The following TMEM255B variants were observed in gnomAD, a reference collection of about 807,000 sequenced individuals.
The protein encoded by TMEM255B is family with sequence similarity 70, member B.
TMEM255B carries 35 observed loss-of-function variants against 34.5 expected under a neutral mutation model. That is an observed-to-expected ratio of 1.01 (90% CI 0.77 to 1.34). TMEM255B has a LOEUF of 1.34. TMEM255B is among the 40% of genes most tolerant of loss of function. TMEM255B has a pLI of 0.00. For synonymous variants in TMEM255B, 206 were observed against 201.2 expected, an observed-to-expected ratio of 1.02 and a Z score of -0.20; for missense variants, 432 against 433.2, an observed-to-expected ratio of 1.00 and a Z score of 0.02.
chr13:113,816,201 G>C lies in TMEM255B; in HGVS notation c.*4298G>C, dbSNP rs2051400604. 6.6e-6 allele frequency: 1 copy of C among 152,120 alleles called. No homozygotes were observed. Among genetic ancestry groups the C allele is most frequent in the African/African-American group, 2.7e-5 (1 of 36,856 alleles). 9.4% of individuals were successfully genotyped at this position (152,120 alleles called of 1,614,324 possible). On this transcript the variant is annotated 3_prime_UTR_variant, in exon 9 of 9. Coordinates refer to ENST00000375353, the MANE Select transcript of TMEM255B (RefSeq NM_182614.4). ...GGGGAGGCAAGCGTGTTTGCAGCGT[G>C]TTCTGGATGGGGAGAGGTGCAGTCA...
In TMEM255B at chr13:113,765,981, A is replaced by G. The variant is rs2050381112; in HGVS notation, c.47-134A>G. ...AATGGAGGTTGGGGGTGGTCCCCTGAGGTGGGCCTGGAGGCAGGCGGGGAT... is the reference window on the plus strand; with the variant it reads ...AATGGAGGTTGGGGGTGGTCCCCTGGGGTGGGCCTGGAGGCAGGCGGGGAT... On this transcript the variant is annotated intron_variant, in intron 1 of 8. Transcript: ENST00000375353. 27 of 1,137,822 alleles carry G rather than the reference A, an allele frequency of 2.4e-5. 1 individual carries two copies. The South Asian group carries it at 4.0e-4, about 17-fold the overall frequency. The allele number at this position is 1,137,822 out of a possible 1,614,324, so 70.5% of individuals were successfully genotyped here.
Position 113,805,022 on chromosome 13 carries a change from C to T in TMEM255B, c.807C>T (p.Pro269=), listed in dbSNP as rs1341220268. The T allele has an allele frequency of 8.1e-6, 13 of 1,599,968 alleles. No homozygotes were observed. Among genetic ancestry groups the T allele is most frequent in the Non-Finnish European group, 1.0e-5 (12 of 1,176,228 alleles). Residue 269 remains proline (P), a synonymous_variant, in exon 8 of 9, where the codon CCC becomes CCT. Transcript: ENST00000375353. ...PVPTCSSYPL[P]LQPCSRFPVA... ...CGACCTGCTCGTCCTACCCTCTGCC[C>T]CTTCAGGTAGGGCCAGCATCACCTG...
intron 3 of TMEM255B, among the ~76,000 whole-genome samples, 159 bp from the exon 4 acceptor site, chr13:113,794,989 G>A (rs1437993619): frequency 2.0e-5 from 3 of 152,238 alleles, no homozygotes; most frequent in African/African-American, 7.2e-5. Flanking sequence ...GGTGGAGTCC[G>A]GCCTGGCCAG....
In TMEM255B at chr13:113,803,260, C is replaced by G. The variant is rs1439500398; in HGVS notation, c.669+1448C>G. ...CACACCGGCTCCAGGAAGTCTTCCT[C>G]GAACCCAAAGCTCAGGGCTGCAGAG... On this transcript the variant is annotated intron_variant, in intron 7 of 8. Transcript: ENST00000375353. 3 of 148,190 alleles carry G rather than the reference C, an allele frequency of 2.0e-5. 1 individual carries two copies. Among genetic ancestry groups the G allele is most frequent in the African/African-American group, 7.4e-5 (3 of 40,558 alleles). The allele number at this position is 148,190 out of a possible 1,614,324, so 9.2% of individuals were successfully genotyped here. A position where few individuals can be genotyped will look rare whatever the true frequency, so the allele number is the denominator to read the frequency against.
intron 2 of TMEM255B, chr13:113,768,181 C>T (rs994133532): frequency 2.3e-5 from 11 of 470,178 alleles, no homozygotes; most frequent in East Asian, 1.4e-4. Flanking sequence ...ACCGGCCCGG[C>T]GCACCTGCGT....
chr13:113,816,796 G>T lies in TMEM255B; in HGVS notation c.*4893G>T, dbSNP rs568505942. The stretch of plus-strand genomic sequence containing the variant: ...TGATGGAATTCAGTAAGCAGAAAAC[G>T]TGCTTGAAACAAGGGCACCATGGAG... On this transcript the variant is annotated 3_prime_UTR_variant, in exon 9 of 9. Coordinates refer to ENST00000375353, the MANE Select transcript of TMEM255B (RefSeq NM_182614.4). 6.6e-6 allele frequency: 1 copy of T among 152,188 alleles called. No homozygotes were observed. Among genetic ancestry groups the T allele is most frequent in the South Asian group, 2.1e-4 (1 of 4,836 alleles). The allele number at this position is 152,188 out of a possible 1,614,324, so 9.4% of individuals were successfully genotyped here.
At chr13:113,765,733 G>A (rs945349620) in intron 1 of TMEM255B, among the ~76,000 whole-genome samples, 1 of 152,212 alleles carries the variant, frequency 6.6e-6, no homozygotes, top group Non-Finnish European at 1.5e-5. Context: ...GAGAGGGTGT[G>A]TCTGTGAGCG....
chr13:113,761,955 G>C (rs1305569832), intron 1 of TMEM255B, among the ~76,000 whole-genome samples: 2 of 152,128 alleles, frequency 1.3e-5, no homozygotes, highest in Non-Finnish European at 2.9e-5. Context: ...CCACACAATG[G>C]GTCTGGACAG....
chr13:113,803,906 T>TTCACCGTGTCCCCGGGTTG (rs1245576614), intron 7 of TMEM255B, among the ~76,000 whole-genome samples: 2 of 19,532 alleles, frequency 1.0e-4, no homozygotes, highest in Non-Finnish European at 2.2e-4. Context: ...TCCCGGGGTT[T>TTCACCGTGTCCCCGGGTTG]TCACCGTGTC....
Position 113,815,991 on chromosome 13 carries a change from T to C in TMEM255B, c.*4088T>C, listed in dbSNP as rs1177460453. The stretch of plus-strand genomic sequence containing the variant: ...GACAGAAGCCGACTGGGAAAGGAGG[T>C]GCAGTCACTGCTCAGGGACACGGGT... On this transcript the variant is annotated 3_prime_UTR_variant, in exon 9 of 9. Transcript: ENST00000375353. 5.7e-6 allele frequency: 1 copy of C among 175,912 alleles called. No homozygotes were observed. Among genetic ancestry groups the C allele is most frequent in the Non-Finnish European group, 1.2e-5 (1 of 80,182 alleles). The allele number at this position is 175,912 out of a possible 1,614,324, so 10.9% of individuals were successfully genotyped here. A position where few individuals can be genotyped will look rare whatever the true frequency, so the allele number is the denominator to read the frequency against.
chr13:113,804,867 G>A lies in TMEM255B; in HGVS notation c.670-18G>A, dbSNP rs7332019. On this transcript the variant is annotated intron_variant, in intron 7 of 8. Coordinates refer to ENST00000375353, the MANE Select transcript of TMEM255B (RefSeq NM_182614.4). The stretch of plus-strand genomic sequence containing the variant: ...ACTAGGGGGTACACGCCGACCACCC[G>A]TCTCCTCTCCATGGCAGGTGCCTCT... 0.53 allele frequency: 809,081 copies of A among 1,517,046 alleles called. 233,288 individuals carry two copies. The highest frequency in any genetic ancestry group is 0.84 in the East Asian group (37,260 of 44,282). 94.0% of individuals were successfully genotyped at this position (1,517,046 alleles called of 1,614,324 possible).
chr13:113,794,575 C>T (rs1237077137), intron 3 of TMEM255B, among the ~76,000 whole-genome samples: 2 of 151,880 alleles, frequency 1.3e-5, no homozygotes, highest in South Asian at 2.1e-4. Context: ...CAGGGGTCCA[C>T]GGGGATGGAG....
chr13:113,759,906 G>A (rs1350121562), intron 1 of TMEM255B, among the ~76,000 whole-genome samples: 1 of 152,074 alleles, frequency 6.6e-6, no homozygotes, highest in Non-Finnish European at 1.5e-5. Context: ...CTGCAGCCTC[G>A]GAGCCAGGCA....
intron 5 of TMEM255B, chr13:113,799,975 C>A (rs1343950057): frequency 3.1e-6 from 4 of 1,271,118 alleles, no homozygotes; most frequent in Non-Finnish European, 4.1e-6. Flanking sequence ...CCTCAGCACG[C>A]GTGTCAGAGG....
chr13:113,784,097 C>T (rs181270053), intron 3 of TMEM255B, among the ~76,000 whole-genome samples: 3 of 152,158 alleles, frequency 2.0e-5, no homozygotes, highest in Admixed American at 6.5e-5. Flanking sequence ...AAAAACTAAA[C>T]GCTTTGGCTT....
At chr13:113,776,709 AGG>A (rs2050584867) in intron 3 of TMEM255B, among the ~76,000 whole-genome samples, 1 of 152,184 alleles carries the variant, frequency 6.6e-6, no homozygotes, top group African/African-American at 2.4e-5. Flanking sequence ...TGACACTCAG[AGG>A]GGTCGCTGAC....
At chr13:113,801,537 C>A in intron 6 of TMEM255B, 116 bp from the exon 7 acceptor site, 1 of 1,242,244 alleles carries the variant, frequency 8.0e-7, no homozygotes, top group Non-Finnish European at 1.1e-6. Context: ...GTTGACTGGG[C>A]TCCAGCCCTG....
intron 8 of TMEM255B, among the ~76,000 whole-genome samples, chr13:113,807,001 C>T (rs1182302024): frequency 5.3e-5 from 8 of 152,192 alleles, no homozygotes; most frequent in Admixed American, 5.2e-4. Context: ...AGCCGCTGCC[C>T]CTCAGGGCCC....
At chr13:113,775,034 ACACACATTG>A (rs1173170579) in intron 3 of TMEM255B, among the ~76,000 whole-genome samples, 1 of 98,972 alleles carries the variant, frequency 1.0e-5, no homozygotes, top group Admixed American at 9.3e-5. Flanking sequence ...ACCACACATG[ACACACATTG>A]CACACACAAC....
Sources: allele counts gnomAD v4.1 joint callset (sites outside exome capture counted in the v4.1 genomes callset), GRCh38; gene constraint gnomAD v4.1.1; transcripts MANE v1.5; gene names NCBI Gene and HGNC (gene_info 2026-07-23, HGNC 2026-07-21).